IL1RAPL1: variants seen among roughly 807,000 people sequenced by gnomAD.
The protein encoded by IL1RAPL1 is interleukin 1 receptor accessory protein like 1, also known as interleukin-1 receptor accessory protein-like 1.
In IL1RAPL1, 3 loss-of-function variants were observed where a neutral mutation model predicts 48.4. That is an observed-to-expected ratio of 0.06 (90% CI 0.03 to 0.16). IL1RAPL1 has a LOEUF of 0.16. Among genes scored for constraint, IL1RAPL1 ranks in the 10% least tolerant of loss-of-function variants. The probability of loss-of-function intolerance (pLI) is 1.00; values close to 1 mark genes in which losing one functional copy is unlikely to be tolerated. For synonymous variants in IL1RAPL1, 185 were observed against 187.7 expected (o/e 0.99, Z 0.12); for missense variants, 349 against 530.6 (o/e 0.66, Z 3.36).
At chrX:28,647,828 G>A (rs1406607272) in intron 1 of IL1RAPL1, among the ~76,000 whole-genome samples, 1 of 111,921 alleles carries the variant, frequency 8.9e-6, no homozygotes. Flanking sequence ...TTGGCTTGGA[G>A]TAAATATTCT....
At chrX:29,383,874 C>G (rs981026890) in intron 3 of IL1RAPL1, among the ~76,000 whole-genome samples, 1 of 112,146 alleles carries the variant, frequency 8.9e-6, no homozygotes, top group Non-Finnish European at 1.9e-5. Flanking sequence ...TAATTCTGCT[C>G]TTTCCTTTTT....
intron 2 of IL1RAPL1, among the ~76,000 whole-genome samples, chrX:28,969,481 T>C (rs934597468): frequency 1.8e-5 from 2 of 110,070 alleles, no homozygotes; most frequent in Admixed American, 9.8e-5. Context: ...TTTTTTTTTT[T>C]CAGTGTAGGC....
At chrX:28,903,933 A>G (rs955452287) in intron 2 of IL1RAPL1, among the ~76,000 whole-genome samples, 6 of 109,816 alleles carry the variant, frequency 5.5e-5, no homozygotes, top group Non-Finnish European at 1.1e-4. Context: ...TGTATCTGAT[A>G]TATATAACCA....
At chrX:29,006,011 G>T (rs1925968540) in intron 2 of IL1RAPL1, among the ~76,000 whole-genome samples, 1 of 111,382 alleles carries the variant, frequency 9.0e-6, no homozygotes, top group Non-Finnish European at 1.9e-5. Flanking sequence ...AAACCAATAT[G>T]CTGGCTATCT....
chrX:29,703,883 A>G (rs187537262), intron 6 of IL1RAPL1, among the ~76,000 whole-genome samples: 1 of 111,544 alleles, frequency 9.0e-6, no homozygotes, highest in Admixed American at 9.6e-5. Flanking sequence ...TCTTAATATC[A>G]GACTTTTTAA....
intron 1 of IL1RAPL1, among the ~76,000 whole-genome samples, chrX:28,788,331 G>A (rs1027247242): frequency 8.9e-6 from 1 of 111,872 alleles, no homozygotes; most frequent in Non-Finnish European, 1.9e-5. Flanking sequence ...GGAAGACAAT[G>A]TTCGTTTATT....
intron 5 of IL1RAPL1, among the ~76,000 whole-genome samples, chrX:29,446,038 AC>A (rs1934607812): frequency 8.9e-6 from 1 of 112,286 alleles, no homozygotes; most frequent in African/African-American, 3.2e-5. Context: ...AGAAAATTAA[AC>A]TAGAAATAAC....
At chrX:29,888,035 G>A (rs997439857) in intron 6 of IL1RAPL1, among the ~76,000 whole-genome samples, 1 of 111,207 alleles carries the variant, frequency 9.0e-6, no homozygotes, top group Non-Finnish European at 1.9e-5. Context: ...TAATTCTGTC[G>A]CAATACAAAG....
chrX:29,947,491 C>T (rs1318077061), intron 9 of IL1RAPL1, among the ~76,000 whole-genome samples: 3 of 111,411 alleles, frequency 2.7e-5, no homozygotes, highest in East Asian at 2.8e-4. Flanking sequence ...GGAGTTATTA[C>T]AGGCATTGAA....
chrX:29,254,055 T>A (rs1262342387), intron 2 of IL1RAPL1, among the ~76,000 whole-genome samples: 1 of 111,430 alleles, frequency 9.0e-6, no homozygotes, highest in East Asian at 2.8e-4. Flanking sequence ...AAAATATAAT[T>A]GAGCTTAGAC....
chrX:29,354,267 AGATAAACATAGGAT>A (rs1488294329), intron 3 of IL1RAPL1, among the ~76,000 whole-genome samples: 1 of 111,258 alleles, frequency 9.0e-6, no homozygotes, highest in Non-Finnish European at 1.9e-5. Context: ...CTTATTTGGA[AGATAAACATAGGAT>A]GATGATGATG....
chrX:29,788,103 T>TTG (rs61302840), intron 6 of IL1RAPL1, among the ~76,000 whole-genome samples: 10 of 108,428 alleles, frequency 9.2e-5, no homozygotes, highest in East Asian at 8.8e-4. Context: ...ATGATTTAAA[T>TTG]TGTGTGTGTG....
intron 2 of IL1RAPL1, among the ~76,000 whole-genome samples, chrX:28,872,245 C>T (rs1569190009): frequency 9.0e-6 from 1 of 111,061 alleles, no homozygotes; most frequent in Non-Finnish European, 1.9e-5. Flanking sequence ...GTCTCAAACC[C>T]CTGGGGTCAA....
At chrX:29,862,481 T>C (rs755734955) in intron 6 of IL1RAPL1, among the ~76,000 whole-genome samples, 3 of 111,038 alleles carry the variant, frequency 2.7e-5, no homozygotes, top group Non-Finnish European at 5.7e-5. Flanking sequence ...GAAAGTACTA[T>C]AGGCAAAAAC....
intron 8 of IL1RAPL1, among the ~76,000 whole-genome samples, chrX:29,923,210 C>G (rs1932859941): frequency 1.8e-5 from 2 of 112,019 alleles, no homozygotes; most frequent in Middle Eastern, 9.1e-3. Context: ...TCTGGGTCAG[C>G]CTTTTATCTG....
intron 2 of IL1RAPL1, among the ~76,000 whole-genome samples, chrX:29,001,533 G>A (rs1925852683): frequency 8.9e-6 from 1 of 111,877 alleles, no homozygotes; most frequent in African/African-American, 3.2e-5. Flanking sequence ...AAAAATGGTG[G>A]TCTTTGTAGA....
At chrX:28,612,053 C>T (rs1934153971) in intron 1 of IL1RAPL1, among the ~76,000 whole-genome samples, 3 of 111,808 alleles carry the variant, frequency 2.7e-5, no homozygotes, top group South Asian at 3.7e-4. Context: ...CACCAGAAAC[C>T]ATATATGGCT....
chrX:29,907,795 C>G (rs1044348696), intron 6 of IL1RAPL1, among the ~76,000 whole-genome samples: 1 of 111,474 alleles, frequency 9.0e-6, no homozygotes, highest in East Asian at 2.8e-4. Flanking sequence ...TCTTATTGGA[C>G]TTTTATTAGC....
intron 6 of IL1RAPL1, among the ~76,000 whole-genome samples, chrX:29,811,570 C>T (rs1441577824): frequency 9.1e-6 from 1 of 110,462 alleles, no homozygotes; most frequent in Non-Finnish European, 1.9e-5. Flanking sequence ...AACACCCTCA[C>T]AGACACACTC....
Sources: allele counts gnomAD v4.1 joint callset (sites outside exome capture counted in the v4.1 genomes callset), GRCh38; gene constraint gnomAD v4.1.1; transcripts MANE v1.5; gene names NCBI Gene and HGNC (gene_info 2026-07-23, HGNC 2026-07-21).